Variants in ELMO1 observed in about 807,000 individuals in gnomAD.
ELMO1 encodes engulfment and cell motility 1.
A neutral mutation model predicts 98.9 loss-of-function variants in ELMO1; 26 were observed. The ratio of observed to expected loss-of-function variants is 0.26; its 90% CI spans 0.19 to 0.36. The LOEUF is 0.36. ELMO1 is among the 10% of genes least tolerant of loss of function. ELMO1 has a pLI of 1.00. For missense variants in ELMO1, 627 were observed against 935.2 expected, an observed-to-expected ratio of 0.67 and a Z score of 4.30; for synonymous variants, 346 against 346.0, an observed-to-expected ratio of 1.00 and a Z score of 0.00.
chr7:37,324,634 T>G (rs1799701583), intron 2 of ELMO1, among the ~76,000 whole-genome samples: 1 of 152,178 alleles, frequency 6.6e-6, no homozygotes, highest in South Asian at 2.1e-4. Context: ...AAGGCTGGAG[T>G]GCAGTGTTAT....
At chr7:37,147,216 A>G (rs1347100682) in intron 13 of ELMO1, among the ~76,000 whole-genome samples, 1 of 152,222 alleles carries the variant, frequency 6.6e-6, no homozygotes, top group Non-Finnish European at 1.5e-5. Flanking sequence ...TGAGGCACAA[A>G]GGTGCCTCAT....
chr7:36,862,370 T>C (rs1459667441), intron 20 of ELMO1, among the ~76,000 whole-genome samples: 1 of 152,164 alleles, frequency 6.6e-6, no homozygotes, highest in Non-Finnish European at 1.5e-5. Context: ...GACTGCAAGG[T>C]ATAATCGAGA....
intron 13 of ELMO1, among the ~76,000 whole-genome samples, chr7:37,202,611 A>G (rs73108929): frequency 1.2e-3 from 182 of 152,382 alleles, no homozygotes; most frequent in Middle Eastern, 3.4e-3. Context: ...TTTAAAATAA[A>G]TGAATTGAAA....
chr7:36,897,571 A>C (rs1251617178), intron 16 of ELMO1, among the ~76,000 whole-genome samples: 1 of 152,176 alleles, frequency 6.6e-6, no homozygotes, highest in Middle Eastern at 3.2e-3. Flanking sequence ...AGGGAGGAGT[A>C]GGAGAAGGAA....
chr7:37,428,074 C>T (rs1463306839), intron 1 of ELMO1, among the ~76,000 whole-genome samples: 1 of 150,026 alleles, frequency 6.7e-6, no homozygotes, highest in East Asian at 1.9e-4. Context: ...TGTGCACACA[C>T]ACGTTGGAGG....
intron 8 of ELMO1, among the ~76,000 whole-genome samples, chr7:37,228,733 T>C (rs1794002889): frequency 6.6e-6 from 1 of 152,226 alleles, no homozygotes; most frequent in South Asian, 2.1e-4. Context: ...CCGGGCACAG[T>C]GGCTCACACC....
At chr7:37,370,284 G>A (rs1361017693) in intron 1 of ELMO1, among the ~76,000 whole-genome samples, 1 of 152,106 alleles carries the variant, frequency 6.6e-6, no homozygotes, top group African/African-American at 2.4e-5. Context: ...CAAACCACTG[G>A]TGTGTTTTTT....
chr7:37,018,901 G>A (rs1157257311), intron 15 of ELMO1, among the ~76,000 whole-genome samples: 1 of 152,180 alleles, frequency 6.6e-6, no homozygotes, highest in African/African-American at 2.4e-5. Flanking sequence ...TCTAGGAGAT[G>A]AGGAAGGAAA....
At chr7:37,223,358 G>A (rs937674179) in intron 9 of ELMO1, among the ~76,000 whole-genome samples, 2 of 152,208 alleles carry the variant, frequency 1.3e-5, no homozygotes, top group Non-Finnish European at 2.9e-5. Context: ...AGGCCAGTGA[G>A]AGAGAGGTGG....
At chr7:37,353,203 C>T (rs1801354731) in intron 1 of ELMO1, 1 of 152,206 alleles carries the variant, frequency 6.6e-6, no homozygotes, top group Non-Finnish European at 1.5e-5. Flanking sequence ...TTGCCATTTC[C>T]TGAGCCTGCT....
chr7:37,440,313 G>C (rs922817859), intron 1 of ELMO1, among the ~76,000 whole-genome samples: 1 of 151,986 alleles, frequency 6.6e-6, no homozygotes, highest in East Asian at 1.9e-4. Flanking sequence ...GTGATGGCAG[G>C]CACCTGTAGT....
intron 16 of ELMO1, among the ~76,000 whole-genome samples, chr7:36,954,929 C>T (rs901979159): frequency 2.6e-5 from 4 of 152,122 alleles, no homozygotes; most frequent in African/African-American, 7.2e-5. Context: ...TTCCTGTATC[C>T]CAAAAGCTTG....
chr7:37,005,461 G>A (rs372193520), intron 16 of ELMO1, among the ~76,000 whole-genome samples: 2 of 152,078 alleles, frequency 1.3e-5, no homozygotes, highest in South Asian at 4.1e-4. Flanking sequence ...GGAGGCCAAG[G>A]CAGGTGAATC....
intron 16 of ELMO1, among the ~76,000 whole-genome samples, chr7:36,966,751 AG>A (rs1376296420): frequency 6.6e-6 from 1 of 152,276 alleles, no homozygotes; most frequent in East Asian, 1.9e-4. Context: ...ATAATGAAAA[AG>A]AAACTTTGAC....
intron 16 of ELMO1, chr7:36,984,784 A>T: frequency 3.6e-6 from 2 of 553,080 alleles, no homozygotes; most frequent in Non-Finnish European, 4.6e-6. Context: ...ATAAGACAGG[A>T]AATCACATTT....
At chr7:36,885,724 G>T (rs1804926807) in intron 18 of ELMO1, among the ~76,000 whole-genome samples, 1 of 152,180 alleles carries the variant, frequency 6.6e-6, no homozygotes. Context: ...CCACTTTACA[G>T]ATGAGAACTT....
chr7:37,026,103 A>G (rs1794560091), intron 15 of ELMO1, among the ~76,000 whole-genome samples: 1 of 152,200 alleles, frequency 6.6e-6, no homozygotes, highest in Admixed American at 6.5e-5. Context: ...CTTTACGAGG[A>G]AAATTATTCA....
At chr7:37,329,032 T>C (rs1385402733) in intron 2 of ELMO1, among the ~76,000 whole-genome samples, 1 of 152,200 alleles carries the variant, frequency 6.6e-6, no homozygotes, top group Non-Finnish European at 1.5e-5. Context: ...CTCAAAGCTG[T>C]CCTCTTTATT....
rs867644227 is a variant in ELMO1 at position 37,188,488 on chromosome 7, A to T, written c.1086+22898T>A. Among the ~76,000 whole-genome samples the T allele has an allele frequency of 3.3e-3, 154 of 46,336 alleles. 1 individual carries two copies. Among genetic ancestry groups the T allele is most frequent in the African/African-American group, 0.014 (88 of 6,230 alleles). 30.4% of individuals were successfully genotyped at this position (46,336 alleles called of 152,430 possible). On this transcript the variant is annotated intron_variant, in intron 13 of 21. Transcript: ENST00000310758. ...CACACACAGGCCACTGGAGAAAGGT[A>T]AAAAAAAAAAAAAAATAATAATAAT...
Sources: allele counts gnomAD v4.1 joint callset (sites outside exome capture counted in the v4.1 genomes callset), GRCh38; gene constraint gnomAD v4.1.1; transcripts MANE v1.5; gene names NCBI Gene and HGNC (gene_info 2026-07-23, HGNC 2026-07-21).